NALCN: variants seen among roughly 807,000 people sequenced by gnomAD.
NALCN encodes sodium leak channel, non-selective.
In NALCN, 111 loss-of-function variants were observed where a neutral mutation model predicts 225.3. That is an observed-to-expected ratio of 0.49 (90% CI 0.42 to 0.58). NALCN has a LOEUF of 0.58. NALCN is among the 20% of genes least tolerant of loss of function. The pLI is 0.00. For missense variants in NALCN, 1,378 were observed against 2,202.4 expected (o/e 0.63, Z 7.49); for synonymous variants, 764 against 769.0 (o/e 0.99, Z 0.11).
chr13:101,321,261 C>A (rs1250229713), intron 7 of NALCN, among the ~76,000 whole-genome samples: 3 of 152,014 alleles, frequency 2.0e-5, no homozygotes, highest in African/African-American at 7.2e-5. Context: ...AAAAGACACA[C>A]ACACAAGTCC....
At chr13:101,120,640 C>A (rs910642225) in intron 18 of NALCN, among the ~76,000 whole-genome samples, 3 of 151,964 alleles carry the variant, frequency 2.0e-5, no homozygotes, top group African/African-American at 4.8e-5. Flanking sequence ...GTGAAGAGGA[C>A]AACATAAGGT....
At chr13:101,337,522 G>C (rs2045420671) in intron 7 of NALCN, among the ~76,000 whole-genome samples, 1 of 152,052 alleles carries the variant, frequency 6.6e-6, no homozygotes, top group African/African-American at 2.4e-5. Flanking sequence ...TGCCCAGGCT[G>C]GTCTTGAATT....
chr13:101,332,255 G>GAGAA (rs1876772863), intron 7 of NALCN, among the ~76,000 whole-genome samples: 1 of 151,860 alleles, frequency 6.6e-6, no homozygotes, highest in Non-Finnish European at 1.5e-5. Context: ...CTCATATGCA[G>GAGAA]AGAATGAGTT....
At chr13:101,337,980 T>C (rs2045437097) in intron 7 of NALCN, among the ~76,000 whole-genome samples, 1 of 152,152 alleles carries the variant, frequency 6.6e-6, no homozygotes, top group African/African-American at 2.4e-5. Context: ...ATTTTGAGGA[T>C]TAAAAACACA....
At chr13:101,188,672 G>C (rs374928638) in intron 14 of NALCN, among the ~76,000 whole-genome samples, 1 of 127,066 alleles carries the variant, frequency 7.9e-6, no homozygotes, top group Non-Finnish European at 1.7e-5. Flanking sequence ...GTGTGTGTCT[G>C]TGTGTGTGTA....
chr13:101,066,755 C>A (rs2032426531), intron 39 of NALCN, among the ~76,000 whole-genome samples: 1 of 152,230 alleles, frequency 6.6e-6, no homozygotes, highest in South Asian at 2.1e-4. Context: ...GAAGAGGGAG[C>A]AAATTGGGGT....
chr13:101,388,062 TA>T (rs1367962167), intron 3 of NALCN, among the ~76,000 whole-genome samples: 1 of 152,146 alleles, frequency 6.6e-6, no homozygotes, highest in Non-Finnish European at 1.5e-5. Context: ...ATAAAAATAA[TA>T]AAACTGTGGC....
In NALCN at chr13:101,292,963, T is replaced by C. The variant is rs2043606871; in HGVS notation, c.800-597A>G. On this transcript the variant is annotated intron_variant, in intron 7 of 43. Coordinates refer to ENST00000251127, the MANE Select transcript of NALCN (RefSeq NM_052867.4). This position sits in a 1 kb window ranked among gnomAD's most constrained non-coding sequence, Gnocchi z 4.3. ...GGAGAATTACCTCATAGAAAGTACT[T>C]CTAGTAATGGAAAGAAAGGAAAGCT... 6.6e-6 allele frequency among the ~76,000 whole-genome samples: 1 copy of C among 152,206 alleles called. No homozygotes were observed. Among genetic ancestry groups the C allele is most frequent in the Non-Finnish European group, 1.5e-5 (1 of 68,030 alleles).
intron 16 of NALCN, 52 bp downstream of exon 16, chr13:101,144,708 T>C: frequency 2.6e-6 from 4 of 1,563,198 alleles, no homozygotes; most frequent in Non-Finnish European, 3.5e-6. Flanking sequence ...TTTAAGATGA[T>C]GAATCTTTTA....
intron 15 of NALCN, among the ~76,000 whole-genome samples, chr13:101,174,736 A>C (rs1219502440): frequency 6.6e-6 from 1 of 152,200 alleles, no homozygotes; most frequent in Non-Finnish European, 1.5e-5. Flanking sequence ...GAGGGCTGGA[A>C]TTATATGGTT....
rs540086813 is a variant in NALCN at position 101,103,816 on chromosome 13, G to A, written c.2890-477C>T. Reference sequence around the variant, plus strand: ...GAGCCCATTTCTATGGTTTTCCAGCGAGTTTTACTAGACAGTTGAATGGGC... The same window carrying A: ...GAGCCCATTTCTATGGTTTTCCAGCAAGTTTTACTAGACAGTTGAATGGGC... On this transcript the variant is annotated intron_variant, in intron 25 of 43. Transcript: ENST00000251127. Among the ~76,000 whole-genome samples, 12 of 152,256 alleles carry A rather than the reference G, an allele frequency of 7.9e-5. No individual in the cohort carries two copies. The South Asian group carries it at 1.9e-3, about 24-fold the overall frequency.
intron 6 of NALCN, among the ~76,000 whole-genome samples, chr13:101,350,629 T>A (rs2045881123): frequency 6.6e-6 from 1 of 152,218 alleles, no homozygotes; most frequent in Non-Finnish European, 1.5e-5. Context: ...GATAGTTAAA[T>A]TTATGTATCA....
intron 7 of NALCN, among the ~76,000 whole-genome samples, chr13:101,330,064 A>T (rs551214070): frequency 9.7e-4 from 145 of 149,872 alleles, no homozygotes; most frequent in African/African-American, 3.1e-3. Context: ...ATATATATAT[A>T]CATATATATA....
At chr13:101,159,400 G>T (rs2038055582) in intron 15 of NALCN, among the ~76,000 whole-genome samples, 1 of 152,170 alleles carries the variant, frequency 6.6e-6, no homozygotes. Context: ...TCTTCATCAT[G>T]GCTTGCAGTC....
intron 18 of NALCN, among the ~76,000 whole-genome samples, chr13:101,119,739 T>G (rs1322670182): frequency 6.6e-6 from 1 of 152,242 alleles, no homozygotes; most frequent in Non-Finnish European, 1.5e-5. Flanking sequence ...TTAGTGGAGC[T>G]GAACGATACA....
intron 3 of NALCN, among the ~76,000 whole-genome samples, chr13:101,379,010 C>T (rs1158998746): frequency 6.6e-6 from 1 of 152,006 alleles, no homozygotes; most frequent in African/African-American, 2.4e-5. Flanking sequence ...ACCAAGAGTG[C>T]ACTGTGGTCA....
intron 15 of NALCN, among the ~76,000 whole-genome samples, chr13:101,147,471 T>G (rs1032810373): frequency 6.6e-6 from 1 of 151,588 alleles, no homozygotes; most frequent in South Asian, 2.1e-4. Flanking sequence ...GTTTCCTGAG[T>G]CGCTGGAATT....
At chr13:101,103,060 C>T in intron 26 of NALCN, 112 bp downstream of exon 26, 1 of 1,319,840 alleles carries the variant, frequency 7.6e-7, no homozygotes, top group Non-Finnish European at 1.0e-6. Context: ...TACCCTCTGG[C>T]AATAACCAAA....
At chr13:101,407,589 C>A (rs60084250) in intron 1 of NALCN, among the ~76,000 whole-genome samples, 5,809 of 152,220 alleles carry the variant, frequency 0.038, 339 homozygotes, top group African/African-American at 0.13. Context: ...CCATGCCAGG[C>A]ACTATTCTAA....
Sources: allele counts gnomAD v4.1 joint callset (sites outside exome capture counted in the v4.1 genomes callset), GRCh38; gene constraint gnomAD v4.1.1; non-coding constraint Gnocchi (gnomAD v3.1); transcripts MANE v1.5; gene names NCBI Gene and HGNC (gene_info 2026-07-23, HGNC 2026-07-21).